Variants in DDX52 observed in about 807,000 individuals in gnomAD.
The protein encoded by DDX52 is probable ATP-dependent RNA helicase DDX52.
In DDX52, 59 loss-of-function variants were observed where a neutral mutation model predicts 76.1. The ratio of observed to expected loss-of-function variants is 0.78; its 90% confidence interval spans 0.63 to 0.96. The LOEUF (loss-of-function observed/expected upper bound fraction) is 0.96. Among genes scored for constraint, DDX52 ranks in the 40% least tolerant of loss-of-function variants. The pLI, the probability that DDX52 is intolerant of heterozygous loss-of-function variation, is 0.00. For missense variants in DDX52, 707 were observed against 703.9 expected, an observed-to-expected ratio of 1.00 and a Z score of -0.05; for synonymous variants, 231 against 244.1, an observed-to-expected ratio of 0.95 and a Z score of 0.50.
chr17:37,622,091 G>A (rs550329436), intron 9 of DDX52, among the ~76,000 whole-genome samples: 1 of 152,040 alleles, frequency 6.6e-6, no homozygotes, highest in Non-Finnish European at 1.5e-5. Context: ...CCCAAGCTTA[G>A]TCCTTGGTTC....
chr17:37,621,481 C>T lies in DDX52; in HGVS notation c.1267G>A (p.Glu423Lys), dbSNP rs746364172. The change falls in exon 10 of 15, where the codon GAA becomes AAA. Residue 423 changes from glutamate to lysine, a missense_variant. Glu to Lys is a moderately conservative substitution (Grantham distance 56, BLOSUM62 1). Coordinates refer to ENST00000617633, the MANE Select transcript of DDX52 (RefSeq NM_007010.5). Reference protein sequence around the residue: ...PPVLVFVQSIERAKELFHELI... With the variant: ...PPVLVFVQSIKRAKELFHELI... Reference sequence around the variant, plus strand: ...TCATGAAAAAGTTCTTTAGCCCTTTCAATGGACTGAACAAAAACAAGAACA... The same window carrying T: ...TCATGAAAAAGTTCTTTAGCCCTTTTAATGGACTGAACAAAAACAAGAACA... 1.2e-6 allele frequency: 2 copies of T among 1,613,420 alleles called. No individual in the cohort carries two copies. The highest frequency in any genetic ancestry group is 1.7e-6 in the Non-Finnish European group (2 of 1,179,820).
In DDX52 at chr17:37,624,387, G is replaced by T. The variant is rs541803105; in HGVS notation, c.1184C>A (p.Ser395Tyr). Residue 395 changes from serine to tyrosine, a missense_variant, in exon 9 of 15, where the codon TCT becomes TAT. By Grantham distance (144) the Ser-to-Tyr change is moderately radical. Coordinates refer to ENST00000617633, the MANE Select transcript of DDX52 (RefSeq NM_007010.5). ...CACGGCCAGAAGTTTTCCGGTCTCA[G>T]ATCCAACAAAGAGAAGCTCTTGTTC... ...TVEQELLFVG[S>Y]ETGKLLAVRE... 1.4e-5 allele frequency: 23 copies of T among 1,608,754 alleles called. No homozygotes were observed. The South Asian group carries it at 2.3e-4, about 16-fold the overall frequency.
At position 37,632,234 on chromosome 17, in the gene DDX52, G is replaced by A. The variant is rs1201051315; in HGVS notation, c.482C>T (p.Ala161Val). 1 of 1,614,068 alleles carries A rather than the reference G, an allele frequency of 6.2e-7. No homozygotes were observed. Among genetic ancestry groups the A allele is most frequent in the Admixed American group, 1.7e-5 (1 of 59,996 alleles). ...VQGTDLPDPI[A>V]TFQQLDQEYK... is the part of the protein sequence containing the mutation. Reference sequence around the variant, plus strand: ...TTCCTGGTCAAGTTGCTGAAATGTAGCAATTGGGTCAGGAAGATCGGTTCC... The same window carrying A: ...TTCCTGGTCAAGTTGCTGAAATGTAACAATTGGGTCAGGAAGATCGGTTCC... The change falls in exon 4 of 15, where the codon GCT (alanine) becomes GTT (valine). Residue 161 changes from alanine to valine, a missense_variant. Ala to Val is a moderately conservative substitution (Grantham distance 64). Coordinates refer to ENST00000617633, the MANE Select transcript of DDX52 (RefSeq NM_007010.5).
chr17:37,630,107 A>G lies in DDX52; in HGVS notation c.670T>C (p.Leu224=). The G allele has an allele frequency of 6.2e-7, 1 of 1,614,078 alleles. No homozygotes were observed. Among genetic ancestry groups the G allele is most frequent in the Non-Finnish European group, 8.5e-7 (1 of 1,180,012 alleles). The change falls in exon 5 of 15, where the codon TTA becomes CTA. Residue 224 remains leucine, a synonymous_variant. Coordinates refer to ENST00000617633, the MANE Select transcript of DDX52 (RefSeq NM_007010.5). ...TTTGCGGGTTGTTTCAGCTGCATTA[A>G]AATAGGAATGCTAAAAGCTAATGTT... ...GKTLAFSIPI[L]MQLKQPANKG... is the part of the protein sequence containing the mutation.
At position 37,624,444 on chromosome 17, in the gene DDX52, A is replaced by C; in HGVS notation, c.1137-10T>G. 3 of 1,593,174 alleles carry C rather than the reference A, an allele frequency of 1.9e-6. No homozygotes were observed. The highest frequency in any genetic ancestry group is 2.6e-6 in the Non-Finnish European group (3 of 1,167,254). On this transcript the variant is annotated splice_polypyrimidine_tract_variant and intron_variant, in intron 8 of 14. Coordinates refer to ENST00000617633, the MANE Select transcript of DDX52 (RefSeq NM_007010.5). ...TTCTACTGCAGAATTCCTGGGAAGA[A>C]AATATACCTTGTAGTTTGTAAGAGT... is the stretch of plus-strand genomic sequence containing the variant.
At chr17:37,626,896 AG>A in intron 6 of DDX52, 36 bp from the exon 7 acceptor site, 1 of 1,562,214 alleles carries the variant, frequency 6.4e-7, no homozygotes. Flanking sequence ...TTGCAAAAAC[AG>A]GATTTATCCC....
chr17:37,643,261 C>A (rs2147375514), intron 1 of DDX52, 73 bp downstream of exon 1: 1 of 1,509,520 alleles, frequency 6.6e-7, no homozygotes, highest in Non-Finnish European at 9.0e-7. Flanking sequence ...GCCGGCCTCC[C>A]CCAGCAGCGG....
rs2064301179 is a variant in DDX52 at position 37,610,315 on chromosome 17, T to C, written c.*3981A>G. The C allele has an allele frequency of 7.1e-6, 1 of 140,668 alleles. No individual in the cohort carries two copies. Among genetic ancestry groups the C allele is most frequent in the Non-Finnish European group, 1.5e-5 (1 of 67,064 alleles). The allele number at this position is 140,668 out of a possible 1,614,324, so 8.7% of individuals were successfully genotyped here. On this transcript the variant is annotated 3_prime_UTR_variant, in exon 15 of 15. Coordinates refer to ENST00000617633, the MANE Select transcript of DDX52 (RefSeq NM_007010.5). Reference sequence around the variant, plus strand: ...ATTTTTTTTTTTTTTTTTTTTTTTTTTTTTGTAGAGATAGGATCTATGTTG... The same window carrying C: ...ATTTTTTTTTTTTTTTTTTTTTTTTCTTTTGTAGAGATAGGATCTATGTTG...
intron 5 of DDX52, 24 bp from the exon 6 acceptor site, chr17:37,628,696 A>T (rs2030518155): frequency 6.6e-7 from 1 of 1,512,710 alleles, no homozygotes; most frequent in South Asian, 1.2e-5. Context: ...GATTAAAAAC[A>T]TTAGCTGCTA....
chr17:37,621,268 T>G lies in DDX52; in HGVS notation c.1360A>C (p.Thr454Pro), dbSNP rs1387678423. 3.1e-6 allele frequency: 5 copies of G among 1,610,754 alleles called. No homozygotes were observed. Among genetic ancestry groups the G allele is most frequent in the Non-Finnish European group, 4.2e-6 (5 of 1,179,002 alleles). ...TTTCCTGCTCTGAAACTGTGGACTG[T>G]GTTATCTCTCTGGTTAACAGAATAT... Reference protein sequence around the residue: ...AERTQQQRDNTVHSFRAGKIW... With the variant: ...AERTQQQRDNPVHSFRAGKIW... The change falls in exon 11 of 15, where the codon ACA becomes CCA. Residue 454 changes from threonine (T) to proline (P), a missense_variant. By Grantham distance (38) the Thr-to-Pro change is conservative. Transcript: ENST00000617633.
chr17:37,618,824 G>A (rs1422778188), intron 13 of DDX52, among the ~76,000 whole-genome samples: 1 of 152,078 alleles, frequency 6.6e-6, no homozygotes, highest in East Asian at 1.9e-4. Context: ...GGTTTAAGGT[G>A]GGGCTGTAAC....
intron 7 of DDX52, 146 bp downstream of exon 7, chr17:37,626,642 T>C: frequency 2.7e-6 from 2 of 741,028 alleles, no homozygotes; most frequent in Non-Finnish European, 4.5e-6. Flanking sequence ...TATGAATTTT[T>C]TTAAAAAACC....
intron 3 of DDX52, among the ~76,000 whole-genome samples, chr17:37,632,508 T>G (rs2030731682): frequency 6.6e-6 from 1 of 152,236 alleles, no homozygotes; most frequent in Non-Finnish European, 1.5e-5. Flanking sequence ...TTTCTTCATA[T>G]TAATGTGTTA....
chr17:37,615,821 C>T (rs2064418240), intron 14 of DDX52, among the ~76,000 whole-genome samples: 1 of 152,012 alleles, frequency 6.6e-6, no homozygotes, highest in Non-Finnish European at 1.5e-5. Flanking sequence ...CAAGACCACC[C>T]TGGCCAACAT....
chr17:37,613,133 A>G lies in DDX52; in HGVS notation c.*1163T>C, dbSNP rs1477595203. The stretch of plus-strand genomic sequence containing the variant: ...ATGCTGCTGAGAAAAGGCAATGTAT[A>G]TTATAGTTCTGTGGTAGTACTGATA... On this transcript the variant is annotated 3_prime_UTR_variant, in exon 15 of 15. Transcript: ENST00000617633. The G allele has an allele frequency of 6.6e-6, 1 of 152,250 alleles. No homozygotes were observed. The highest frequency in any genetic ancestry group is 2.1e-4 in the South Asian group (1 of 4,832). 9.4% of individuals were successfully genotyped at this position (152,250 alleles called of 1,614,324 possible).
At chr17:37,618,531 G>A in intron 13 of DDX52, 147 bp from the exon 14 acceptor site, 2 of 598,448 alleles carry the variant, frequency 3.3e-6, no homozygotes, top group South Asian at 4.4e-5. Context: ...GCCCAGGCTG[G>A]AGTGCAATGG....
intron 1 of DDX52, among the ~76,000 whole-genome samples, 186 bp from the exon 2 acceptor site, chr17:37,642,494 T>G (rs957507161): frequency 6.6e-6 from 1 of 152,204 alleles, no homozygotes; most frequent in African/African-American, 2.4e-5. Flanking sequence ...CAAATTAATA[T>G]TAGCAATGAA....
chr17:37,618,420 G>T, intron 13 of DDX52, 36 bp from the exon 14 acceptor site: 1 of 1,502,048 alleles, frequency 6.7e-7, no homozygotes, highest in Non-Finnish European at 9.0e-7. Flanking sequence ...AAAGAATTAA[G>T]TGCAACTTCA....
chr17:37,636,974 A>AT (rs2030958764), intron 2 of DDX52, among the ~76,000 whole-genome samples: 1 of 152,088 alleles, frequency 6.6e-6, no homozygotes, highest in Admixed American at 6.5e-5. Context: ...CCACATATAT[A>AT]TTTTTTTCAA....
Sources: gnomAD v4.1 joint callset for allele counts (sites outside exome capture counted in the v4.1 genomes callset) on GRCh38, gnomAD v4.1.1 for gene constraint, MANE v1.5 for transcripts, NCBI Gene and HGNC (gene_info 2026-07-23, HGNC 2026-07-21) for gene names.